SWT1: variants seen among roughly 807,000 people sequenced by gnomAD.
SWT1 encodes the protein SWT1 RNA endoribonuclease homolog, also known as transcriptional protein SWT1.
Under a neutral mutation model 107.3 loss-of-function variants are expected in SWT1, and 33 were observed. The observed-to-expected ratio is 0.31, with a 90% CI of 0.23 to 0.41. SWT1 has a LOEUF of 0.41. SWT1 is among the 10% of genes least tolerant of loss of function. The probability of loss-of-function intolerance (pLI) is 1.00; values close to 1 mark genes in which losing one functional copy is unlikely to be tolerated. For synonymous variants in SWT1, 345 were observed against 348.3 expected (o/e 0.99, Z 0.11); for missense variants, 898 against 1,028.9 (o/e 0.87, Z 1.74).
At chr1:185,251,531 T>C (rs1455253654) in intron 16 of SWT1, 2 of 152,200 alleles carry the variant, frequency 1.3e-5, no homozygotes, top group African/African-American at 4.8e-5. Context: ...CAATTTCTTA[T>C]TGTAATGCTG....
At chr1:185,197,227 G>A (rs565389067) in intron 10 of SWT1, among the ~76,000 whole-genome samples, 1 of 152,250 alleles carries the variant, frequency 6.6e-6, no homozygotes, top group South Asian at 2.1e-4. Context: ...TAATCATGTG[G>A]TTTTTGTCAT....
chr1:185,268,257 C>CCTTT (rs756097966), intron 16 of SWT1, among the ~76,000 whole-genome samples: 1 of 152,086 alleles, frequency 6.6e-6, no homozygotes, highest in Non-Finnish European at 1.5e-5. Flanking sequence ...TCCCAATAAA[C>CCTTT]CTTTCTTCAT....
intron 2 of SWT1, among the ~76,000 whole-genome samples, chr1:185,164,136 G>A (rs1048546075): frequency 2.6e-5 from 4 of 151,924 alleles, no homozygotes; most frequent in Admixed American, 2.6e-4. Context: ...GGGTGACCAG[G>A]TGCATTACCA....
At position 185,276,630 on chromosome 1, in the gene SWT1, C is replaced by A; in HGVS notation, c.2535C>A (p.Ala845=). ...TAAATAAAAATGTCAAATTTACTGCCCAGGAAATTTATGATTGTGTTTCTC... is the reference window on the plus strand; with the variant it reads ...TAAATAAAAATGTCAAATTTACTGCACAGGAAATTTATGATTGTGTTTCTC... The part of the protein sequence containing the change: ...YEVNKNVKFT[A]QEIYDCVSQT... Residue 845 remains alanine (A), a synonymous_variant, in exon 18 of 19, where the codon GCC becomes GCA. Coordinates refer to ENST00000367500, the MANE Select transcript of SWT1 (RefSeq NM_017673.7). 1 of 1,581,342 alleles carries A rather than the reference C, an allele frequency of 6.3e-7. No homozygotes were observed. Among genetic ancestry groups the A allele is most frequent in the Non-Finnish European group, 8.7e-7 (1 of 1,156,036 alleles).
chr1:185,251,739 C>G (rs919296656), intron 16 of SWT1, among the ~76,000 whole-genome samples: 3 of 151,268 alleles, frequency 2.0e-5, no homozygotes, highest in Non-Finnish European at 2.9e-5. Flanking sequence ...TAGATTTTAT[C>G]TATCCAATCA....
chr1:185,275,946 T>C (rs1353854011), intron 17 of SWT1, among the ~76,000 whole-genome samples: 1 of 152,192 alleles, frequency 6.6e-6, no homozygotes, highest in African/African-American at 2.4e-5. Context: ...GAAATTAGCC[T>C]TACTGTTTCC....
chr1:185,241,821 A>T (rs561250853), intron 16 of SWT1, among the ~76,000 whole-genome samples: 3 of 152,266 alleles, frequency 2.0e-5, no homozygotes, highest in Non-Finnish European at 4.4e-5. Context: ...AGAGGTATAG[A>T]AGAGAGATGA....
intron 16 of SWT1, among the ~76,000 whole-genome samples, chr1:185,244,859 T>G (rs1661494623): frequency 6.6e-6 from 1 of 152,164 alleles, no homozygotes; most frequent in Admixed American, 6.5e-5. Flanking sequence ...GGCAGGGGGT[T>G]TGCTTGAAGC....
At chr1:185,219,557 A>G (rs1404428398) in intron 14 of SWT1, among the ~76,000 whole-genome samples, 1 of 152,198 alleles carries the variant, frequency 6.6e-6, no homozygotes, top group Non-Finnish European at 1.5e-5. Context: ...TTAAGCCTAG[A>G]GAAATGGAGT....
At chr1:185,206,930 G>A (rs1167714003) in intron 13 of SWT1, among the ~76,000 whole-genome samples, 167 bp downstream of exon 13, 1 of 152,180 alleles carries the variant, frequency 6.6e-6, no homozygotes, top group African/African-American at 2.4e-5. Context: ...AACAGATGCA[G>A]CTCATAGAGC....
At chr1:185,220,065 A>G (rs140454904) in intron 14 of SWT1, among the ~76,000 whole-genome samples, 108 of 139,858 alleles carry the variant, frequency 7.7e-4, no homozygotes, top group African/African-American at 2.5e-3. Flanking sequence ...CCTGAGTCCT[A>G]GAGGCAGAGG....
At chr1:185,200,965 A>G (rs930950531) in intron 10 of SWT1, among the ~76,000 whole-genome samples, 2 of 152,162 alleles carry the variant, frequency 1.3e-5, no homozygotes, top group Non-Finnish European at 1.5e-5. Flanking sequence ...GGAGGAATCT[A>G]GAGAGGTAAT....
chr1:185,202,517 A>T (rs556050246), intron 10 of SWT1, 137 bp from the exon 11 acceptor site: 50 of 576,268 alleles, frequency 8.7e-5, no homozygotes, highest in South Asian at 2.5e-4. Flanking sequence ...ATATTTTTTT[A>T]AAAAAGTTGT....
At chr1:185,269,758 A>G (rs1663714562) in intron 16 of SWT1, among the ~76,000 whole-genome samples, 1 of 152,172 alleles carries the variant, frequency 6.6e-6, no homozygotes, top group African/African-American at 2.4e-5. Flanking sequence ...TATAGCTTGA[A>G]ACTACAGATG....
intron 11 of SWT1, among the ~76,000 whole-genome samples, chr1:185,203,623 GAAA>G (rs1432748352): frequency 8.8e-6 from 1 of 113,112 alleles, no homozygotes; most frequent in African/African-American, 3.3e-5. Flanking sequence ...CTCCGTCTCA[GAAA>G]AAAAAAAAAA....
chr1:185,172,055 G>A (rs1402521577), intron 4 of SWT1, among the ~76,000 whole-genome samples: 1 of 152,198 alleles, frequency 6.6e-6, no homozygotes, highest in Non-Finnish European at 1.5e-5. Context: ...TTGCTGGGCT[G>A]TAACCTAATT....
At chr1:185,242,327 G>C (rs1201965631) in intron 16 of SWT1, among the ~76,000 whole-genome samples, 2 of 152,128 alleles carry the variant, frequency 1.3e-5, no homozygotes, top group Non-Finnish European at 2.9e-5. Flanking sequence ...TCAGTAACCA[G>C]CTGATTTTTT....
At chr1:185,217,997 T>C (rs1489500072) in intron 14 of SWT1, among the ~76,000 whole-genome samples, 3 of 152,166 alleles carry the variant, frequency 2.0e-5, no homozygotes, top group Non-Finnish European at 2.9e-5. Flanking sequence ...CGCTTACCCG[T>C]CCATGGAAAA....
Position 185,190,624 on chromosome 1 carries a change from C to A in SWT1, c.1505C>A (p.Ser502Tyr). ...CAGCACCAGGAATTATTCCCTTGTT[C>A]TTTTGTTATTCTGTGCACGTGAGTT... ...CLQHQELFPC[S>Y]FVILCTDDRN... The change falls in exon 10 of 19, where the codon TCT becomes TAT. Residue 502 changes from serine (S) to tyrosine (Y), a missense_variant. By Grantham distance (144) the Ser-to-Tyr change is moderately radical. Coordinates refer to ENST00000367500, the MANE Select transcript of SWT1 (RefSeq NM_017673.7). 1 of 1,604,380 alleles carries A rather than the reference C, an allele frequency of 6.2e-7. No individual in the cohort carries two copies. The highest frequency in any genetic ancestry group is 2.2e-5 in the East Asian group (1 of 44,732).
Sources: gnomAD v4.1 joint callset for allele counts (sites outside exome capture counted in the v4.1 genomes callset) on GRCh38, gnomAD v4.1.1 for gene constraint, MANE v1.5 for transcripts, NCBI Gene and HGNC (gene_info 2026-07-23, HGNC 2026-07-21) for gene names.